FRAS1: variants seen among roughly 807,000 people sequenced by gnomAD.
The protein encoded by FRAS1 is Fraser extracellular matrix complex subunit 1, also known as extracellular matrix organizing protein FRAS1.
A neutral mutation model predicts 435.2 loss-of-function variants in FRAS1; 290 were observed. That is an observed-to-expected ratio of 0.67 (90% CI 0.61 to 0.73). The LOEUF (loss-of-function observed/expected upper bound fraction) is 0.73, where lower values mean the gene tolerates loss of function less well. FRAS1 is among the 30% of genes least tolerant of loss of function. FRAS1 has a pLI of 0.00. For synonymous variants in FRAS1, 1,800 were observed against 1,851.0 expected, an observed-to-expected ratio of 0.97 and a Z score of 0.71; for missense variants, 4,860 against 5,001.5, an observed-to-expected ratio of 0.97 and a Z score of 0.85.
At chr4:78,498,361 C>T (rs1720569719) in intron 60 of FRAS1, among the ~76,000 whole-genome samples, 1 of 152,038 alleles carries the variant, frequency 6.6e-6, no homozygotes, top group Non-Finnish European at 1.5e-5. Context: ...ACAAAATTAG[C>T]CAGGCGTGGT....
At chr4:78,459,577 G>A (rs1295535568) in intron 47 of FRAS1, among the ~76,000 whole-genome samples, 1 of 152,178 alleles carries the variant, frequency 6.6e-6, no homozygotes, top group Non-Finnish European at 1.5e-5. Flanking sequence ...AGTATTGTGA[G>A]ACCAACCAAA....
intron 47 of FRAS1, among the ~76,000 whole-genome samples, chr4:78,462,902 TTAAAGA>T (rs1719413880): frequency 6.6e-6 from 1 of 152,218 alleles, no homozygotes; most frequent in Admixed American, 6.5e-5. Flanking sequence ...TTTTAACTTC[TTAAAGA>T]TAAAGCAGTG....
At chr4:78,480,668 C>T (rs976259695) in intron 56 of FRAS1, among the ~76,000 whole-genome samples, 1 of 152,222 alleles carries the variant, frequency 6.6e-6, no homozygotes, top group East Asian at 1.9e-4. Context: ...GGGCAGGTCA[C>T]TTTCACATGG....
At chr4:78,303,832 T>C (rs1200136750) in intron 14 of FRAS1, among the ~76,000 whole-genome samples, 1 of 149,952 alleles carries the variant, frequency 6.7e-6, no homozygotes, top group Non-Finnish European at 1.5e-5. Context: ...CTTTTCCTAA[T>C]TGAATACCCT....
chr4:78,058,812 A>G (rs1739600943), intron 1 of FRAS1, among the ~76,000 whole-genome samples: 1 of 152,256 alleles, frequency 6.6e-6, no homozygotes. Context: ...AGTTGTCGCC[A>G]TGATATCAAA....
intron 2 of FRAS1, among the ~76,000 whole-genome samples, chr4:78,226,686 A>T (rs986352172): frequency 2.0e-5 from 3 of 152,086 alleles, no homozygotes; most frequent in Non-Finnish European, 4.4e-5. Context: ...TATTCTGATC[A>T]ATATTCATAG....
intron 42 of FRAS1, 45 bp downstream of exon 42, chr4:78,445,757 A>G (rs765985762): frequency 1.9e-6 from 3 of 1,610,220 alleles, no homozygotes; most frequent in South Asian, 2.2e-5. Flanking sequence ...TGACCACAAT[A>G]TTTCACACCA....
intron 4 of FRAS1, 76 bp from the exon 5 acceptor site, chr4:78,252,316 T>C (rs1725570101): frequency 8.6e-6 from 12 of 1,391,486 alleles, no homozygotes; most frequent in Admixed American, 7.4e-5. Flanking sequence ...TAAGAGAAGA[T>C]TTGTTTCTAT....
intron 10 of FRAS1, among the ~76,000 whole-genome samples, chr4:78,279,487 G>A (rs1405731752): frequency 1.3e-5 from 2 of 151,886 alleles, no homozygotes; most frequent in African/African-American, 4.9e-5. Context: ...GTTTTGTAAT[G>A]GTCCTGGCAA....
At chr4:78,096,640 T>G (rs576527089) in intron 2 of FRAS1, among the ~76,000 whole-genome samples, 85 of 152,362 alleles carry the variant, frequency 5.6e-4, no homozygotes, top group Non-Finnish European at 9.7e-4. Flanking sequence ...GGCTTGGGCT[T>G]GCACCCTCTG....
chr4:78,152,093 G>A (rs914972313), intron 2 of FRAS1, among the ~76,000 whole-genome samples: 1 of 152,054 alleles, frequency 6.6e-6, no homozygotes, highest in African/African-American at 2.4e-5. Flanking sequence ...GTATTTGCCT[G>A]GTTCTATTCT....
At chr4:78,214,466 C>T (rs1221013067) in intron 2 of FRAS1, among the ~76,000 whole-genome samples, 1 of 152,172 alleles carries the variant, frequency 6.6e-6, no homozygotes. Flanking sequence ...GAACTGTTAA[C>T]ATTTGCCAGT....
intron 2 of FRAS1, among the ~76,000 whole-genome samples, chr4:78,087,761 C>A (rs1741269419): frequency 6.6e-6 from 1 of 152,022 alleles, no homozygotes. Flanking sequence ...AACCACTGCT[C>A]AATGAAATAA....
rs562118568 is a variant in FRAS1 at position 78,060,797 on chromosome 4, G to C, written c.76+2712G>C. The stretch of plus-strand genomic sequence containing the variant: ...ATAGAAGAAAAAGAGATCAGTATTT[G>C]CTGCATTATTAGTGGTCAATTGCAA... On this transcript the variant is annotated intron_variant, in intron 1 of 73. Transcript: ENST00000512123. Among the ~76,000 whole-genome samples, 29 of 152,128 alleles carry C rather than the reference G, an allele frequency of 1.9e-4. No homozygotes were observed. In the South Asian group the frequency reaches 5.8e-3, roughly 30 times the overall value.
intron 47 of FRAS1, among the ~76,000 whole-genome samples, chr4:78,456,669 T>A (rs1004345676): frequency 1.3e-5 from 2 of 152,206 alleles, no homozygotes; most frequent in African/African-American, 4.8e-5. Flanking sequence ...GTTGTCACAC[T>A]GATTCAGATG....
chr4:78,523,338 T>G (rs1721444790), intron 69 of FRAS1, among the ~76,000 whole-genome samples: 1 of 152,134 alleles, frequency 6.6e-6, no homozygotes, highest in Admixed American at 6.5e-5. Flanking sequence ...GAAATTTCAT[T>G]TCAATTACAA....
At chr4:78,469,503 T>C in intron 50 of FRAS1, among the ~76,000 whole-genome samples, 1 of 152,206 alleles carries the variant, frequency 6.6e-6, no homozygotes, top group East Asian at 1.9e-4. Context: ...AGAAAATATC[T>C]TCCCATGAAA....
At chr4:78,308,585 C>T (rs1728887542) in intron 15 of FRAS1, among the ~76,000 whole-genome samples, 1 of 152,200 alleles carries the variant, frequency 6.6e-6, no homozygotes, top group Admixed American at 6.5e-5. Context: ...TACATGGGGA[C>T]AAAGAGACTA....
chr4:78,071,225 A>G lies in FRAS1; in HGVS notation c.108+5209A>G, dbSNP rs1330423465. 14 of 152,234 alleles carry G rather than the reference A, an allele frequency of 9.2e-5. 1 individual carries two copies. The highest frequency in any genetic ancestry group is 4.6e-4 in the Admixed American group (7 of 15,278). The allele number at this position is 152,234 out of a possible 1,614,324, so 9.4% of individuals were successfully genotyped here. A position where few individuals can be genotyped will look rare whatever the true frequency, so the allele number is the denominator to read the frequency against. On this transcript the variant is annotated intron_variant, in intron 2 of 73. Transcript: ENST00000512123. ...AGTTTGAATCTTGGCACCACTACAT[A>G]CATGCTGTGTGGTCTCAGATATAAT...
Sources: gnomAD v4.1 joint callset for allele counts (sites outside exome capture counted in the v4.1 genomes callset) on GRCh38, gnomAD v4.1.1 for gene constraint, MANE v1.5 for transcripts, NCBI Gene and HGNC (gene_info 2026-07-23, HGNC 2026-07-21) for gene names.